The following DLGAP4 variants were observed in gnomAD, a reference collection of about 807,000 sequenced individuals.
DLGAP4 encodes disks large-associated protein 4.
DLGAP4 carries 18 observed loss-of-function variants against 86.9 expected under a neutral mutation model. The ratio of observed to expected loss-of-function variants is 0.21; its 90% CI spans 0.14 to 0.31. DLGAP4 has a LOEUF of 0.31. DLGAP4 is among the 10% of genes least tolerant of loss of function. The pLI is 1.00. For synonymous variants in DLGAP4, 548 were observed against 574.3 expected (o/e 0.95, Z 0.65); for missense variants, 1,085 against 1,362.6 (o/e 0.80, Z 3.21).
chr20:36,443,024 G>C lies in DLGAP4; in HGVS notation c.1407+247G>C, dbSNP rs554259183. 5.9e-5 allele frequency among the ~76,000 whole-genome samples: 9 copies of C among 152,340 alleles called. No individual in the cohort carries two copies. The South Asian group carries it at 1.9e-3, about 32-fold the overall frequency. The stretch of plus-strand genomic sequence containing the variant: ...TTGAAAATGGGGAAGAATGAGCTAG[G>C]TGCTCTGGATGGGGCAAGAAACAAC... On this transcript the variant is annotated intron_variant, in intron 6 of 12. Coordinates refer to ENST00000339266, the MANE Select transcript of DLGAP4 (RefSeq NM_001365621.2).
At chr20:36,505,745 C>T (rs1317153313) in intron 10 of DLGAP4, among the ~76,000 whole-genome samples, 5 of 152,194 alleles carry the variant, frequency 3.3e-5, no homozygotes, top group Admixed American at 3.3e-4. Context: ...GGCCACTGCA[C>T]TCCAGCCTGG....
At chr20:36,339,451 G>A (rs573037594) in intron 1 of DLGAP4, among the ~76,000 whole-genome samples, 4 of 152,248 alleles carry the variant, frequency 2.6e-5, no homozygotes, top group Admixed American at 1.3e-4. Context: ...GCAGTGGCAC[G>A]ATCTCCGCTC....
intron 2 of DLGAP4, among the ~76,000 whole-genome samples, chr20:36,394,429 TG>T (rs1486605296): frequency 2.0e-5 from 3 of 152,140 alleles, no homozygotes; most frequent in Non-Finnish European, 4.4e-5. Context: ...CTGGCCCCAC[TG>T]GGTGCTGCCC....
At chr20:36,440,067 C>T (rs932141430) in intron 5 of DLGAP4, among the ~76,000 whole-genome samples, 199 bp downstream of exon 5, 3 of 152,068 alleles carry the variant, frequency 2.0e-5, no homozygotes, top group Non-Finnish European at 2.9e-5. Context: ...AGCACAGTTA[C>T]GGGGCCTGAC....
At chr20:36,481,161 A>G (rs2035170404) in intron 7 of DLGAP4, among the ~76,000 whole-genome samples, 1 of 152,162 alleles carries the variant, frequency 6.6e-6, no homozygotes, top group African/African-American at 2.4e-5. Context: ...CCTGGCATCC[A>G]TCCTGCCTGT....
At chr20:36,510,146 T>C (rs1160928857) in intron 10 of DLGAP4, among the ~76,000 whole-genome samples, 2 of 151,768 alleles carry the variant, frequency 1.3e-5, no homozygotes, top group African/African-American at 4.8e-5. Context: ...CTGAAGTCTC[T>C]TTCTTTCTTC....
chr20:36,475,898 C>T (rs2034891366), intron 7 of DLGAP4, among the ~76,000 whole-genome samples: 1 of 151,986 alleles, frequency 6.6e-6, no homozygotes, highest in Non-Finnish European at 1.5e-5. Context: ...CTCACTCTGT[C>T]GCCCAGGCTG....
At chr20:36,427,009 T>C (rs2032991034) in intron 2 of DLGAP4, among the ~76,000 whole-genome samples, 1 of 150,174 alleles carries the variant, frequency 6.7e-6, no homozygotes, top group South Asian at 2.1e-4. Flanking sequence ...GAGACTCCTG[T>C]CTGTACCAAA....
chr20:36,518,850 GT>G (rs2037195700), intron 10 of DLGAP4, among the ~76,000 whole-genome samples: 1 of 152,116 alleles, frequency 6.6e-6, no homozygotes, highest in African/African-American at 2.4e-5. Context: ...GGGCGCAGTG[GT>G]TCATGCCTGT....
At chr20:36,443,224 G>A (rs2033498890) in intron 6 of DLGAP4, among the ~76,000 whole-genome samples, 1 of 152,288 alleles carries the variant, frequency 6.6e-6, no homozygotes, top group East Asian at 1.9e-4. Flanking sequence ...AGATGTTGGG[G>A]TGTTGGAGTG....
chr20:36,497,189 G>A (rs916584112), intron 8 of DLGAP4, 123 bp downstream of exon 8: 22 of 1,472,078 alleles, frequency 1.5e-5, no homozygotes, highest in Non-Finnish European at 2.0e-5. Flanking sequence ...CTATTTTGGG[G>A]GATCAGCCCC....
chr20:36,515,539 G>A (rs1011692715), intron 10 of DLGAP4, among the ~76,000 whole-genome samples: 5 of 152,106 alleles, frequency 3.3e-5, no homozygotes, highest in African/African-American at 1.2e-4. Flanking sequence ...ATATATTTAG[G>A]TTCATTCTTA....
At chr20:36,435,754 A>T (rs1211029946) in intron 3 of DLGAP4, among the ~76,000 whole-genome samples, 1 of 152,092 alleles carries the variant, frequency 6.6e-6, no homozygotes. Flanking sequence ...TGGTGTTCTC[A>T]TCTGTGCAGT....
intron 7 of DLGAP4, among the ~76,000 whole-genome samples, chr20:36,460,703 C>T (rs2034003362): frequency 2.0e-5 from 3 of 152,166 alleles, no homozygotes; most frequent in Admixed American, 1.3e-4. Flanking sequence ...AGAGGGGACT[C>T]GCGGGGTAGA....
chr20:36,313,013 C>T (rs1399577095), intron 1 of DLGAP4, among the ~76,000 whole-genome samples: 1 of 152,088 alleles, frequency 6.6e-6, no homozygotes, highest in Admixed American at 6.5e-5. Context: ...CTGAGTCTTT[C>T]CCGGCTTAGC....
At chr20:36,347,568 T>C (rs760521939) in intron 1 of DLGAP4, among the ~76,000 whole-genome samples, 1 of 151,776 alleles carries the variant, frequency 6.6e-6, no homozygotes, top group African/African-American at 2.4e-5. Context: ...GGCACTCTCA[T>C]GGAAAAGCTG....
chr20:36,525,619 G>A lies in DLGAP4; in HGVS notation c.2605-232G>A. ...GCATACACATACATTAGGGACAGGAGTGCCTTCCTTGCCACAGCCCTTAGA... is the reference window on the plus strand; with the variant it reads ...GCATACACATACATTAGGGACAGGAATGCCTTCCTTGCCACAGCCCTTAGA... On this transcript the variant is annotated intron_variant, in intron 11 of 12. Coordinates refer to ENST00000339266, the MANE Select transcript of DLGAP4 (RefSeq NM_001365621.2). 3 of 593,644 alleles carry A rather than the reference G, an allele frequency of 5.1e-6. No homozygotes were observed. In the South Asian group the frequency reaches 6.3e-5, roughly 12 times the overall value. 36.8% of individuals were successfully genotyped at this position (593,644 alleles called of 1,614,324 possible).
At chr20:36,366,147 T>G (rs1037334403) in intron 1 of DLGAP4, among the ~76,000 whole-genome samples, 1 of 151,850 alleles carries the variant, frequency 6.6e-6, no homozygotes. Context: ...TGAGATGGAG[T>G]CTTGCTCTGT....
chr20:36,335,108 C>G (rs2147365321), intron 1 of DLGAP4, among the ~76,000 whole-genome samples: 1 of 152,270 alleles, frequency 6.6e-6, no homozygotes, highest in East Asian at 1.9e-4. Flanking sequence ...GAAGCCTTGC[C>G]AAGCGTTCAC....
Sources: allele counts gnomAD v4.1 joint callset (sites outside exome capture counted in the v4.1 genomes callset), GRCh38; gene constraint gnomAD v4.1.1; transcripts MANE v1.5; gene names NCBI Gene and HGNC (gene_info 2026-07-23, HGNC 2026-07-21).